Variants in MTHFD2L observed in about 807,000 individuals in gnomAD.
MTHFD2L encodes methylenetetrahydrofolate dehydrogenase (NADP+ dependent) 2 like.
MTHFD2L carries 29 observed loss-of-function variants against 34.9 expected under a neutral mutation model. The ratio of observed to expected loss-of-function variants is 0.83; its 90% CI spans 0.62 to 1.13. MTHFD2L has a LOEUF of 1.13. MTHFD2L is among the 50% of genes most tolerant of loss of function. MTHFD2L has a pLI of 0.00. For missense variants in MTHFD2L, 481 were observed against 446.5 expected, an observed-to-expected ratio of 1.08 and a Z score of -0.70; for synonymous variants, 167 against 155.7, an observed-to-expected ratio of 1.07 and a Z score of -0.54.
rs944570939 is a variant in MTHFD2L at position 74,239,491 on chromosome 4, A to T, written c.805+14097A>T. ...ACCCTAGAAGTTAAAGTATAATTTT[A>T]AAAAAAAAAAAGGCTTCTGGATCTG... On this transcript the variant is annotated intron_variant, in intron 6 of 7. Transcript: ENST00000325278. 2.8e-4 allele frequency among the ~76,000 whole-genome samples: 42 copies of T among 150,962 alleles called. No homozygotes were observed. The East Asian group carries it at 4.6e-3, about 17-fold the overall frequency.
intron 1 of MTHFD2L, among the ~76,000 whole-genome samples, chr4:74,129,429 A>T (rs1023704506): frequency 1.1e-4 from 17 of 152,214 alleles, no homozygotes; most frequent in African/African-American, 3.1e-4. Flanking sequence ...AGAACTCAGG[A>T]TTAAGAAACT....
chr4:74,254,419 A>C (rs993795146), intron 6 of MTHFD2L, among the ~76,000 whole-genome samples: 1 of 152,222 alleles, frequency 6.6e-6, no homozygotes, highest in African/African-American at 2.4e-5. Context: ...GAGAACCCGC[A>C]TAAGATTTCT....
chr4:74,258,606 C>G (rs939430910), intron 6 of MTHFD2L, among the ~76,000 whole-genome samples: 1 of 151,962 alleles, frequency 6.6e-6, no homozygotes, highest in East Asian at 1.9e-4. Context: ...GTAGGGAGTT[C>G]TAGAACAAAT....
intron 1 of MTHFD2L, among the ~76,000 whole-genome samples, chr4:74,130,012 T>C (rs943289205): frequency 6.6e-6 from 1 of 152,056 alleles, no homozygotes; most frequent in Non-Finnish European, 1.5e-5. Context: ...CCTGGACACA[T>C]ACACCCTCCC....
At chr4:74,237,986 A>T (rs1741099017) in intron 6 of MTHFD2L, among the ~76,000 whole-genome samples, 3 of 152,174 alleles carry the variant, frequency 2.0e-5, no homozygotes, top group Admixed American at 2.0e-4. Flanking sequence ...GCATGGTGTT[A>T]CTGAATGTCT....
chr4:74,131,793 G>C (rs933666245), intron 1 of MTHFD2L, among the ~76,000 whole-genome samples: 1 of 152,130 alleles, frequency 6.6e-6, no homozygotes, highest in South Asian at 2.1e-4. Context: ...AGAGTGAACA[G>C]GCAACCTATA....
chr4:74,148,660 T>C (rs932020659), intron 1 of MTHFD2L, among the ~76,000 whole-genome samples: 4 of 146,894 alleles, frequency 2.7e-5, no homozygotes, highest in African/African-American at 9.8e-5. Flanking sequence ...ATATTCCATA[T>C]GAATTTTAGG....
At chr4:74,250,552 C>A (rs1743164168) in intron 6 of MTHFD2L, among the ~76,000 whole-genome samples, 1 of 152,114 alleles carries the variant, frequency 6.6e-6, no homozygotes, top group Non-Finnish European at 1.5e-5. Flanking sequence ...CAGCAAATTT[C>A]TATTGAAATA....
At chr4:74,177,765 T>C (rs1481624814) in intron 3 of MTHFD2L, among the ~76,000 whole-genome samples, 2 of 152,008 alleles carry the variant, frequency 1.3e-5, no homozygotes, top group East Asian at 1.9e-4. Flanking sequence ...CCAAATGTCA[T>C]GATATCAGTA....
intron 7 of MTHFD2L, among the ~76,000 whole-genome samples, chr4:74,293,838 A>G (rs1397643407): frequency 6.6e-6 from 1 of 152,002 alleles, no homozygotes; most frequent in Non-Finnish European, 1.5e-5. Context: ...ATTAGAGTGG[A>G]TGTTTGAGAG....
intron 6 of MTHFD2L, among the ~76,000 whole-genome samples, chr4:74,281,038 C>T (rs957789204): frequency 1.3e-5 from 2 of 151,774 alleles, no homozygotes; most frequent in Non-Finnish European, 2.9e-5. Flanking sequence ...TTCCCTCCTT[C>T]CGATTTCCAA....
At chr4:74,241,258 C>T (rs971671581) in intron 6 of MTHFD2L, among the ~76,000 whole-genome samples, 4 of 152,074 alleles carry the variant, frequency 2.6e-5, no homozygotes, top group Admixed American at 2.6e-4. Flanking sequence ...TCCTCAAGCC[C>T]GTCGAATTAT....
chr4:74,114,921 A>G (rs2109760079), intron 2 of MTHFD2L, among the ~76,000 whole-genome samples: 1 of 152,328 alleles, frequency 6.6e-6, no homozygotes, highest in South Asian at 2.1e-4. Flanking sequence ...AGCCCTTGAT[A>G]GATGAGGTAA....
chr4:74,210,189 T>A (rs1054051488), intron 5 of MTHFD2L, among the ~76,000 whole-genome samples: 1 of 152,164 alleles, frequency 6.6e-6, no homozygotes, highest in Non-Finnish European at 1.5e-5. Context: ...AGCTCTTTAG[T>A]TTAATTACAT....
intron 3 of MTHFD2L, among the ~76,000 whole-genome samples, chr4:74,184,370 A>G (rs1730750399): frequency 1.3e-5 from 2 of 152,184 alleles, no homozygotes; most frequent in African/African-American, 4.8e-5. Flanking sequence ...TGAAAGCTGG[A>G]AGAGCTATTT....
chr4:74,265,130 A>G (rs1745128641), intron 6 of MTHFD2L, among the ~76,000 whole-genome samples: 1 of 152,196 alleles, frequency 6.6e-6, no homozygotes, highest in Non-Finnish European at 1.5e-5. Flanking sequence ...GCTTAAAACA[A>G]TAGTCATCAT....
At chr4:74,210,598 T>A (rs1312545842) in intron 5 of MTHFD2L, among the ~76,000 whole-genome samples, 3 of 152,236 alleles carry the variant, frequency 2.0e-5, no homozygotes, top group Admixed American at 6.5e-5. Context: ...ACTGTGGCCT[T>A]GTAGTATAGT....
chr4:74,247,066 G>A (rs1742574693), intron 6 of MTHFD2L, among the ~76,000 whole-genome samples: 4 of 146,580 alleles, frequency 2.7e-5, no homozygotes, highest in African/African-American at 7.6e-5. Context: ...AAATTACCTT[G>A]GGCAGTATGG....
intron 7 of MTHFD2L, among the ~76,000 whole-genome samples, chr4:74,291,003 C>CCTTTTTTTTTTTTTTTTTTTTTTTTTTT (rs1748846516): frequency 3.4e-5 from 1 of 29,272 alleles, no homozygotes; most frequent in Non-Finnish European, 6.5e-5. Context: ...TTTTCCTTTT[C>CCTTTTTTTTTTTTTTTTTTTTTTTTTTT]TTTTTTTTTT....
Sources: allele counts gnomAD v4.1 joint callset (sites outside exome capture counted in the v4.1 genomes callset), GRCh38; gene constraint gnomAD v4.1.1; transcripts MANE v1.5; gene names NCBI Gene and HGNC (gene_info 2026-07-23, HGNC 2026-07-21).